The following SLCO3A1 variants were observed in gnomAD, a reference collection of about 807,000 sequenced individuals.
The protein encoded by SLCO3A1 is PGE1 transporter.
SLCO3A1 carries 27 observed loss-of-function variants against 63.1 expected under a neutral mutation model. The ratio of observed to expected loss-of-function variants is 0.43; its 90% CI spans 0.32 to 0.59. SLCO3A1 has a LOEUF of 0.59. Ranked by LOEUF, SLCO3A1 falls within the 20% of genes least tolerant of loss-of-function variation. SLCO3A1 has a pLI of 0.09. For missense variants in SLCO3A1, 773 were observed against 945.8 expected (o/e 0.82, Z 2.40); for synonymous variants, 473 against 409.9 (o/e 1.15, Z -1.86).
chr15:92,071,751 C>T (rs1401003405), intron 2 of SLCO3A1, among the ~76,000 whole-genome samples: 1 of 152,174 alleles, frequency 6.6e-6, no homozygotes, highest in Non-Finnish European at 1.5e-5. Flanking sequence ...ATCTCTTGGG[C>T]TCTCTGCATC....
intron 3 of SLCO3A1, among the ~76,000 whole-genome samples, chr15:92,095,679 G>T (rs2047529851): frequency 6.6e-6 from 1 of 152,110 alleles, no homozygotes; most frequent in Non-Finnish European, 1.5e-5. Context: ...ATACAACTAA[G>T]GTTTATTTCT....
At chr15:91,878,021 G>A (rs1306479879) in intron 1 of SLCO3A1, among the ~76,000 whole-genome samples, 1 of 151,926 alleles carries the variant, frequency 6.6e-6, no homozygotes, top group Non-Finnish European at 1.5e-5. Flanking sequence ...GACAACATGA[G>A]GCAAGATCTG....
At chr15:92,115,803 G>T (rs1596114758) in intron 4 of SLCO3A1, among the ~76,000 whole-genome samples, 14 of 88,532 alleles carry the variant, frequency 1.6e-4, no homozygotes, top group Admixed American at 5.6e-4. Context: ...CTCTTCCCTA[G>T]TTCTCTTCCC....
At chr15:92,067,726 T>C (rs550535425) in intron 2 of SLCO3A1, among the ~76,000 whole-genome samples, 1 of 152,298 alleles carries the variant, frequency 6.6e-6, no homozygotes, top group South Asian at 2.1e-4. Context: ...TTGTAGCTAC[T>C]AGCCGGCTTG....
At chr15:92,169,299 G>A (rs376304406), downstream of SLCO3A1, among the ~76,000 whole-genome samples, 1 of 152,164 alleles carries the variant, frequency 6.6e-6, no homozygotes, top group South Asian at 2.1e-4. Context: ...GTCTTTAAAA[G>A]CTCTCCTTAT....
rs752852634 is a variant in SLCO3A1 at position 92,146,991 on chromosome 15, C to T, written c.1520C>T (p.Thr507Met). 6 of 1,610,388 alleles carry T rather than the reference C, an allele frequency of 3.7e-6. No homozygotes were observed. The highest frequency in any genetic ancestry group is 2.2e-5 in the East Asian group (1 of 44,846). The change falls in exon 8 of 10, where the codon ACG (threonine) becomes ATG (methionine). Residue 507 changes from threonine to methionine, a missense_variant. This residue lies in a region of SLCO3A1 where 565 missense variants were observed against 749.8 expected (regional missense o/e 0.75). Transcript: ENST00000318445. ...CFAGCNSTNL[T>M]GCACLTTVPA... The stretch of plus-strand genomic sequence containing the variant: ...TGAACGCTTCCCTTTCAGAATCTCA[C>T]GGGCTGTGCGTGCCTCACCACCGTC...
intron 1 of SLCO3A1, among the ~76,000 whole-genome samples, chr15:91,902,027 T>A (rs1294103308): frequency 6.6e-6 from 1 of 152,190 alleles, no homozygotes; most frequent in Non-Finnish European, 1.5e-5. Flanking sequence ...TGGTTCAGAT[T>A]GCATAATTCT....
intron 2 of SLCO3A1, among the ~76,000 whole-genome samples, chr15:91,961,492 T>C (rs924023441): frequency 6.6e-6 from 1 of 152,170 alleles, no homozygotes; most frequent in African/African-American, 2.4e-5. Context: ...GGCAATGAGG[T>C]TGATTAAAAA....
intron 1 of SLCO3A1, among the ~76,000 whole-genome samples, chr15:91,876,052 C>T (rs1897391317): frequency 6.6e-6 from 1 of 152,162 alleles, no homozygotes; most frequent in African/African-American, 2.4e-5. Flanking sequence ...CACCTGTAAT[C>T]CCAGAACCTT....
intron 2 of SLCO3A1, among the ~76,000 whole-genome samples, chr15:92,019,011 A>G (rs115656626): frequency 6.6e-6 from 1 of 151,784 alleles, no homozygotes; most frequent in Non-Finnish European, 1.5e-5. Flanking sequence ...GTTGCTGTGA[A>G]CTCTATGTCT....
At chr15:92,134,344 C>G (rs1411551345) in intron 7 of SLCO3A1, among the ~76,000 whole-genome samples, 6 of 152,172 alleles carry the variant, frequency 3.9e-5, no homozygotes, top group African/African-American at 1.2e-4. Context: ...TGGGGCATCG[C>G]CACCTGGGAC....
chr15:91,959,162 C>T (rs1028348571), intron 2 of SLCO3A1, among the ~76,000 whole-genome samples: 1 of 152,122 alleles, frequency 6.6e-6, no homozygotes, highest in South Asian at 2.1e-4. Context: ...AGGGAAGTAG[C>T]TCAGGAGTGG....
At chr15:91,949,704 G>A (rs1344233284) in intron 2 of SLCO3A1, among the ~76,000 whole-genome samples, 4 of 151,932 alleles carry the variant, frequency 2.6e-5, no homozygotes, top group African/African-American at 9.7e-5. Context: ...AAAGTGTGTT[G>A]GTGGTTGCCT....
chr15:91,926,388 T>G (rs1899010308), intron 2 of SLCO3A1, among the ~76,000 whole-genome samples: 1 of 152,220 alleles, frequency 6.6e-6, no homozygotes, highest in Admixed American at 6.5e-5. Flanking sequence ...ATTCAATGGC[T>G]CGTTTATTGA....
chr15:92,114,380 T>C (rs1190852906), intron 4 of SLCO3A1, among the ~76,000 whole-genome samples: 3 of 152,194 alleles, frequency 2.0e-5, no homozygotes, highest in African/African-American at 7.2e-5. Flanking sequence ...TGTCTGCTCT[T>C]ACGGGGCGTG....
chr15:91,898,552 T>G (rs1174273660), intron 1 of SLCO3A1, among the ~76,000 whole-genome samples: 1 of 152,208 alleles, frequency 6.6e-6, no homozygotes, highest in Non-Finnish European at 1.5e-5. Context: ...TCATTTCCAG[T>G]GGATCTGGGA....
At chr15:92,013,808 C>T (rs559762242) in intron 2 of SLCO3A1, among the ~76,000 whole-genome samples, 3 of 152,232 alleles carry the variant, frequency 2.0e-5, no homozygotes, top group Admixed American at 6.5e-5. Context: ...CCTGGACCTG[C>T]GCCATGCAGT....
chr15:91,991,550 G>A (rs1167699993), intron 2 of SLCO3A1, among the ~76,000 whole-genome samples: 2 of 152,164 alleles, frequency 1.3e-5, no homozygotes, highest in Admixed American at 1.3e-4. Context: ...CAAGACATTT[G>A]AGTGATCTAA....
chr15:91,976,495 C>T (rs1901115127), intron 2 of SLCO3A1, among the ~76,000 whole-genome samples: 1 of 152,134 alleles, frequency 6.6e-6, no homozygotes, highest in Admixed American at 6.5e-5. Context: ...CAGCTGTAGC[C>T]ATGTACCAAT....
Sources: allele counts gnomAD v4.1 joint callset (sites outside exome capture counted in the v4.1 genomes callset), GRCh38; gene constraint gnomAD v4.1.1; regional missense constraint gnomAD v4.1.1; transcripts MANE v1.5; gene names NCBI Gene and HGNC (gene_info 2026-07-23, HGNC 2026-07-21).